ADAMTS9: variants seen among roughly 807,000 people sequenced by gnomAD.
The protein encoded by ADAMTS9 is A disintegrin and metalloproteinase with thrombospondin motifs 9.
ADAMTS9 carries 107 observed loss-of-function variants against 257.1 expected under a neutral mutation model. The ratio of observed to expected loss-of-function variants is 0.42; its 90% CI spans 0.36 to 0.49. ADAMTS9 has a LOEUF of 0.49. Ranked by LOEUF, ADAMTS9 falls within the 20% of genes least tolerant of loss-of-function variation. The pLI is 0.03. For missense variants in ADAMTS9, 2,353 were observed against 2,469.1 expected (o/e 0.95, Z 1.00); for synonymous variants, 982 against 880.9 (o/e 1.11, Z -2.03).
intron 22 of ADAMTS9, among the ~76,000 whole-genome samples, chr3:64,610,684 A>G (rs1024151118): frequency 6.6e-6 from 1 of 152,158 alleles, no homozygotes; most frequent in Admixed American, 6.5e-5. Context: ...GAAAATAACA[A>G]TTTTGGCGAG....
At chr3:64,660,082 A>G (rs1701187244) in intron 3 of ADAMTS9, among the ~76,000 whole-genome samples, 1 of 152,218 alleles carries the variant, frequency 6.6e-6, no homozygotes, top group Non-Finnish European at 1.5e-5. Flanking sequence ...CTGCCAAAAT[A>G]TACTTTGAGT....
chr3:64,541,744 A>C (rs751410898), intron 33 of ADAMTS9, 94 bp downstream of exon 33: 17 of 1,575,814 alleles, frequency 1.1e-5, no homozygotes, highest in Non-Finnish European at 1.5e-5. Context: ...CCTTCAGAAA[A>C]AATTCTATAT....
chr3:64,556,735 TTCC>T (rs1459780918), intron 30 of ADAMTS9, among the ~76,000 whole-genome samples: 1 of 150,842 alleles, frequency 6.6e-6, no homozygotes, highest in African/African-American at 2.4e-5. Flanking sequence ...CCTTCCTTCC[TTCC>T]TTCCTTCCTT....
At chr3:64,652,168 C>T (rs1325714572) in intron 8 of ADAMTS9, among the ~76,000 whole-genome samples, 1 of 152,168 alleles carries the variant, frequency 6.6e-6, no homozygotes, top group Non-Finnish European at 1.5e-5. Flanking sequence ...ATTCCCTTCA[C>T]TAGTTCATCT....
At chr3:64,522,427 C>G (rs562135247) in intron 38 of ADAMTS9, 167 bp from the exon 39 acceptor site, 7 of 510,366 alleles carry the variant, frequency 1.4e-5, no homozygotes, top group African/African-American at 9.7e-5. Flanking sequence ...CAAACTTCAG[C>G]CTGTGAGCCA....
chr3:64,649,106 C>A (rs960643907), intron 10 of ADAMTS9, among the ~76,000 whole-genome samples: 2 of 152,142 alleles, frequency 1.3e-5, no homozygotes, highest in Non-Finnish European at 2.9e-5. Flanking sequence ...ACATCCACAA[C>A]ACATGCAGCA....
chr3:64,675,309 C>A (rs1372629482), intron 3 of ADAMTS9, among the ~76,000 whole-genome samples: 1 of 152,092 alleles, frequency 6.6e-6, no homozygotes, highest in African/African-American at 2.4e-5. Flanking sequence ...ACACACTCAG[C>A]AAATGTCAAC....
intron 19 of ADAMTS9, among the ~76,000 whole-genome samples, chr3:64,617,225 G>A (rs1230527809): frequency 6.6e-6 from 1 of 152,166 alleles, no homozygotes; most frequent in Non-Finnish European, 1.5e-5. Context: ...GAAGCATCTG[G>A]AACTTTCATC....
chr3:64,655,998 G>C (rs1272507340), intron 4 of ADAMTS9, 123 bp from the exon 5 acceptor site: 1 of 596,034 alleles, frequency 1.7e-6, no homozygotes, highest in African/African-American at 1.9e-5. Flanking sequence ...TTTTGTGGTT[G>C]TGAATTTTTC....
Position 64,658,649 on chromosome 3 carries a change from G to A in ADAMTS9, c.822C>T (p.Asp274=), listed in dbSNP as rs778205697. The A allele has an allele frequency of 3.1e-6, 5 of 1,613,780 alleles. No homozygotes were observed. The East Asian group carries it at 6.7e-5, about 22-fold the overall frequency. ...TGTGGGTCCTCTTTTCTCTTGTGTT[G>A]TCCGTCTTATTACCATAAGCAGAAA... The part of the protein sequence containing the change: ...EAFSAYGNKT[D]NTREKRTHRR... Residue 274 remains aspartate, a synonymous_variant, in exon 4 of 40, where the codon GAC becomes GAT. Transcript: ENST00000498707.
intron 11 of ADAMTS9, among the ~76,000 whole-genome samples, chr3:64,647,605 A>G (rs1559809171): frequency 1.3e-5 from 2 of 152,200 alleles, no homozygotes; most frequent in Non-Finnish European, 2.9e-5. Flanking sequence ...CCATCCCCAA[A>G]AGAGAAGAAA....
rs145399413 is a variant in ADAMTS9 at position 64,655,202 on chromosome 3, C to T, written c.1169+374G>A. On this transcript the variant is annotated intron_variant, in intron 6 of 39. Coordinates refer to ENST00000498707, the MANE Select transcript of ADAMTS9 (RefSeq NM_182920.2). ...GGCAACGCCAGGTCCATCTGAACAG[C>T]AGCTGCCCTTGCCTGTTATATAAGG... is the stretch of plus-strand genomic sequence containing the variant. 2.1e-3 allele frequency among the ~76,000 whole-genome samples: 317 copies of T among 152,346 alleles called. 1 individual carries two copies. The highest frequency in any genetic ancestry group is 2.6e-3 in the Non-Finnish European group (176 of 68,034).
chr3:64,651,964 ATTC>A (rs1700942538), intron 8 of ADAMTS9, among the ~76,000 whole-genome samples: 1 of 152,240 alleles, frequency 6.6e-6, no homozygotes, highest in Admixed American at 6.5e-5. Flanking sequence ...CATATTTGCC[ATTC>A]TTGGCTTAGC....
chr3:64,539,390 A>C (rs2083092360), intron 36 of ADAMTS9, 96 bp from the exon 37 acceptor site: 1 of 1,020,136 alleles, frequency 9.8e-7, no homozygotes, highest in South Asian at 1.3e-5. Flanking sequence ...GAAGGGAAGA[A>C]GAAGAATAAG....
chr3:64,527,896 A>ATG (rs1434466908), intron 38 of ADAMTS9, among the ~76,000 whole-genome samples: 1 of 152,162 alleles, frequency 6.6e-6, no homozygotes, highest in East Asian at 1.9e-4. Context: ...TGCACTGAGC[A>ATG]TGTGTGTGTG....
intron 8 of ADAMTS9, among the ~76,000 whole-genome samples, chr3:64,653,557 T>C (rs1700983778): frequency 6.6e-6 from 1 of 152,158 alleles, no homozygotes; most frequent in African/African-American, 2.4e-5. Context: ...TGAATGAAAA[T>C]CTTGTTTAAT....
At position 64,658,576 on chromosome 3, in the gene ADAMTS9, C is replaced by T; in HGVS notation, c.895G>A (p.Val299Met). ...LSYPRFVEVL[V>M]VADNRMVSYH... ...GAAACCATTCTGTTGTCTGCCACCA[C>T]CAAGACTTCTACAAACCGTGGATAG... The change falls in exon 4 of 40, where the codon GTG (valine) becomes ATG (methionine). Residue 299 changes from valine to methionine, a missense_variant. By Grantham distance (21) the Val-to-Met change is conservative. Transcript: ENST00000498707. 6.2e-7 allele frequency: 1 copy of T among 1,614,178 alleles called. No individual in the cohort carries two copies.
chr3:64,621,333 C>T, intron 18 of ADAMTS9, 93 bp from the exon 19 acceptor site: 1 of 1,382,220 alleles, frequency 7.2e-7, no homozygotes, highest in Non-Finnish European at 9.9e-7. Context: ...CTCTAAAGAG[C>T]CAGACAGTAA....
intron 16 of ADAMTS9, among the ~76,000 whole-genome samples, chr3:64,626,642 C>A (rs1248241966): frequency 6.6e-6 from 1 of 152,098 alleles, no homozygotes; most frequent in Admixed American, 6.6e-5. Flanking sequence ...TTCACCACTA[C>A]CCAATATATG....
Sources: gnomAD v4.1 joint callset for allele counts (sites outside exome capture counted in the v4.1 genomes callset) on GRCh38, gnomAD v4.1.1 for gene constraint, MANE v1.5 for transcripts, NCBI Gene and HGNC (gene_info 2026-07-23, HGNC 2026-07-21) for gene names.